Variants in DOCK6 observed in about 807,000 individuals in gnomAD.
DOCK6 encodes dedicator of cytokinesis 6.
DOCK6 carries 167 observed loss-of-function variants against 230.3 expected under a neutral mutation model. That is an observed-to-expected ratio of 0.73 (90% confidence interval 0.64 to 0.82). DOCK6 has a LOEUF of 0.82. DOCK6 is among the 40% of genes least tolerant of loss of function. The probability of loss-of-function intolerance (pLI) is 0.00; values close to 1 mark genes in which losing one functional copy is unlikely to be tolerated. For missense variants in DOCK6, 2,598 were observed against 2,825.8 expected (o/e 0.92, Z 1.83); for synonymous variants, 1,148 against 1,185.0 (o/e 0.97, Z 0.64).
In DOCK6 at chr19:11,200,385, G is replaced by A. The variant is rs1160949517; in HGVS notation, c.6024C>T (p.Cys2008=). ...GGGGCTGCAGAGCCTCCCGCAGGCG[G>A]CAGTAGTTGCGCTCCAGCTCACGGT... ...EYHRELERNY[C]RLREALQPLL... Residue 2008 remains cysteine (C), a synonymous_variant, in exon 47 of 48, where the codon TGC becomes TGT. Coordinates refer to ENST00000294618, the MANE Select transcript of DOCK6 (RefSeq NM_020812.4). The surrounding 1 kb of genome is among the most constrained non-coding windows in gnomAD (Gnocchi z 4.3). The A allele has an allele frequency of 1.2e-6, 2 of 1,603,738 alleles. No individual in the cohort carries two copies. Among genetic ancestry groups the A allele is most frequent in the Admixed American group, 1.7e-5 (1 of 58,668 alleles).
chr19:11,204,066 C>T lies in DOCK6; in HGVS notation c.5235+15G>A. 2 of 1,549,514 alleles carry T rather than the reference C, an allele frequency of 1.3e-6. No homozygotes were observed. The highest frequency in any genetic ancestry group is 2.4e-5 in the South Asian group (2 of 83,978). Reference sequence around the variant, plus strand: ...GGTCCCAGAGGCAGGTGGCTGTCCACCAAGGCTGACTCACCTCCCAGCCGG... The same window carrying T: ...GGTCCCAGAGGCAGGTGGCTGTCCATCAAGGCTGACTCACCTCCCAGCCGG... On this transcript the variant is annotated intron_variant, in intron 41 of 47. Transcript: ENST00000294618.
intron 32 of DOCK6, 104 bp from the exon 33 acceptor site, chr19:11,214,753 G>A (rs2147757309): frequency 2.0e-6 from 2 of 1,006,192 alleles, no homozygotes; most frequent in South Asian, 2.9e-5. Context: ...TGGCTCCCTG[G>A]AAGCTGTTCT....
At chr19:11,219,926 A>G (rs2079554894) in intron 28 of DOCK6, among the ~76,000 whole-genome samples, 1 of 152,038 alleles carries the variant, frequency 6.6e-6, no homozygotes, top group Admixed American at 6.6e-5. Context: ...TAGCAGGTAA[A>G]TGGAAGAGCT....
At position 11,248,163 on chromosome 19, in the gene DOCK6, G is replaced by T. The variant is rs190784309; in HGVS notation, c.721-12C>A. 33 of 1,578,024 alleles carry T rather than the reference G, an allele frequency of 2.1e-5. No individual in the cohort carries two copies. Among genetic ancestry groups the T allele is most frequent in the East Asian group, 1.8e-4 (8 of 44,426 alleles). The stretch of plus-strand genomic sequence containing the variant: ...TCCACGGCTTCATCCTGCCAAGAGT[G>T]GGGGGTGGGAGCTGGGCGGGAGGAG... On this transcript the variant is annotated splice_polypyrimidine_tract_variant and intron_variant, in intron 6 of 47. Transcript: ENST00000294618.
At position 11,223,085 on chromosome 19, in the gene DOCK6, G is replaced by T; in HGVS notation, c.2977C>A (p.Leu993Ile). Residue 993 changes from leucine to isoleucine, a missense_variant, in exon 25 of 48, where the codon CTC becomes ATC. Coordinates refer to ENST00000294618, the MANE Select transcript of DOCK6 (RefSeq NM_020812.4). ...AGGAAGAAAGCCAGGCTGGCGTTGA[G>T]GTGCTCGGCCAGCTCCACATCCTGG... ...VHKDVELAEH[L>I]NASLAFFLSD... 1 of 1,613,534 alleles carries T rather than the reference G, an allele frequency of 6.2e-7. No individual in the cohort carries two copies. Among genetic ancestry groups the T allele is most frequent in the East Asian group, 2.2e-5 (1 of 44,870 alleles).
At position 11,243,593 on chromosome 19, in the gene DOCK6, C is replaced by T. The variant is rs752950875; in HGVS notation, c.1222G>A (p.Ala408Thr). The part of the protein sequence containing the change: ...AVHLANIVSS[A>T]GQLDRDSDSE... ...TCAGAGTCCCGGTCCAGCTGCCCAG[C>T]GCTGCTCACGATGTTGGCCAAGTGC... Residue 408 changes from alanine (A) to threonine (T), a missense_variant, in exon 11 of 48, where the codon GCT (alanine) becomes ACT (threonine). Transcript: ENST00000294618. The surrounding 1 kb of genome is among the most constrained non-coding windows in gnomAD (Gnocchi z 6.3). 6.2e-6 allele frequency: 10 copies of T among 1,609,648 alleles called. No homozygotes were observed. The South Asian group carries it at 1.1e-4, about 18-fold the overall frequency.
At chr19:11,210,571 C>T (rs1414598657) in intron 37 of DOCK6, among the ~76,000 whole-genome samples, 4 of 140,482 alleles carry the variant, frequency 2.8e-5, no homozygotes, top group African/African-American at 1.1e-4. Flanking sequence ...CTCACCTGTG[C>T]ATCCCCTCAC....
chr19:11,233,117 C>T, intron 22 of DOCK6, 86 bp downstream of exon 22: 2 of 1,509,814 alleles, frequency 1.3e-6, no homozygotes, highest in East Asian at 2.4e-5. Flanking sequence ...CTGTTGTTTC[C>T]CATGCTTCAT....
At chr19:11,256,562 G>A (rs1189120149) in intron 1 of DOCK6, among the ~76,000 whole-genome samples, 1 of 152,212 alleles carries the variant, frequency 6.6e-6, no homozygotes, top group Admixed American at 6.5e-5. Flanking sequence ...CTGAGTGTAA[G>A]GCTTTGCACA....
intron 28 of DOCK6, among the ~76,000 whole-genome samples, chr19:11,219,818 T>C (rs2079553782): frequency 6.6e-6 from 1 of 151,664 alleles, no homozygotes; most frequent in South Asian, 2.1e-4. Flanking sequence ...CTCTTAATCA[T>C]CAAAACAACC....
intron 3 of DOCK6, 86 bp downstream of exon 3, chr19:11,252,697 A>G (rs1235644746): frequency 1.3e-6 from 2 of 1,597,938 alleles, no homozygotes; most frequent in Non-Finnish European, 1.7e-6. Flanking sequence ...CGTCACGGCC[A>G]AGCCAGGAGC....
chr19:11,226,872 T>G (rs1386793820), intron 24 of DOCK6, among the ~76,000 whole-genome samples: 5 of 152,322 alleles, frequency 3.3e-5, no homozygotes, highest in African/African-American at 1.2e-4. Context: ...TGCTGTATAC[T>G]CTGACTGTGC....
At chr19:11,237,610 C>G (rs1234098418) in intron 17 of DOCK6, 31 bp downstream of exon 17, 1 of 1,484,842 alleles carries the variant, frequency 6.7e-7, no homozygotes, top group Admixed American at 1.9e-5. Context: ...ACGAGGAGGG[C>G]TCAGGGGGAG....
chr19:11,204,271 G>A lies in DOCK6; in HGVS notation c.5149C>T (p.His1717Tyr). 6.2e-7 allele frequency: 1 copy of A among 1,604,532 alleles called. No individual in the cohort carries two copies. The change falls in exon 40 of 48, where the codon CAC (histidine) becomes TAC (tyrosine). Residue 1717 changes from histidine (H) to tyrosine (Y), a missense_variant. Coordinates refer to ENST00000294618, the MANE Select transcript of DOCK6 (RefSeq NM_020812.4). ...GCGGCCAGCTTCTTGTAGTCACGGT[G>A]GGCTTCCAGGATGGGGATGAGGTTC... is the stretch of plus-strand genomic sequence containing the variant. ...YKNLIPILEA[H>Y]RDYKKLAAVH...
At chr19:11,223,987 CTG>C (rs1181450360) in intron 24 of DOCK6, among the ~76,000 whole-genome samples, 2 of 152,070 alleles carry the variant, frequency 1.3e-5, no homozygotes, top group Non-Finnish European at 2.9e-5. Context: ...AGCATCTACT[CTG>C]TGCCAATCCC....
In DOCK6 at chr19:11,230,029, G is replaced by A. The variant is rs372089278; in HGVS notation, c.2719-994C>T. Among the ~76,000 whole-genome samples the A allele has an allele frequency of 3.3e-5, 4 of 121,832 alleles. No individual in the cohort carries two copies. The Admixed American group carries it at 4.0e-4, about 12-fold the overall frequency. The allele number at this position is 121,832 out of a possible 152,430, so 79.9% of individuals were successfully genotyped here. A position where few individuals can be genotyped will look rare whatever the true frequency, so the allele number is the denominator to read the frequency against. On this transcript the variant is annotated intron_variant, in intron 22 of 47. Coordinates refer to ENST00000294618, the MANE Select transcript of DOCK6 (RefSeq NM_020812.4). Reference sequence around the variant, plus strand: ...ACTGCACTCTAGCTTGGGTGACAGAGCAAGACTCCATCTCAAAAAAAAAAA... The same window carrying A: ...ACTGCACTCTAGCTTGGGTGACAGAACAAGACTCCATCTCAAAAAAAAAAA...
chr19:11,221,646 GTT>G, intron 28 of DOCK6: 1 of 645,766 alleles, frequency 1.5e-6, no homozygotes. Context: ...AGTAGTTGGT[GTT>G]GTTACTGTCT....
At chr19:11,259,556 C>CTTT (rs756965986) in intron 1 of DOCK6, among the ~76,000 whole-genome samples, 5 of 103,676 alleles carry the variant, frequency 4.8e-5, no homozygotes, top group Middle Eastern at 8.5e-3. Flanking sequence ...TATTTCTTTT[C>CTTT]TTTTTTTTTT....
rs781130662 is a variant in DOCK6 at position 11,242,083 on chromosome 19, G to C, written c.1605C>G (p.Phe535Leu). The C allele has an allele frequency of 6.5e-6, 10 of 1,545,842 alleles. No homozygotes were observed. Among genetic ancestry groups the C allele is most frequent in the Non-Finnish European group, 8.7e-6 (10 of 1,153,094 alleles). ...RGRPTKEILE[F>L]PAREVYAPHT... is the part of the protein sequence containing the mutation. ...GGGGGGCATAGACTTCGCGGGCGGG[G>C]AACTCCAGAATCTCCTTGGTGGGCC... Residue 535 changes from phenylalanine (F) to leucine (L), a missense_variant, in exon 14 of 48, where the codon TTC becomes TTG. By Grantham distance (22) the Phe-to-Leu change is conservative. Transcript: ENST00000294618.
Sources: gnomAD v4.1 joint callset for allele counts (sites outside exome capture counted in the v4.1 genomes callset) on GRCh38, gnomAD v4.1.1 for gene constraint, Gnocchi (gnomAD v3.1) non-coding constraint, MANE v1.5 for transcripts, NCBI Gene and HGNC (gene_info 2026-07-23, HGNC 2026-07-21) for gene names.